The following ADGRL2 variants were observed in gnomAD, a reference collection of about 807,000 sequenced individuals.
The protein encoded by ADGRL2 is adhesion G protein-coupled receptor L2, also known as calcium-independent alpha-latrotoxin receptor 2.
A neutral mutation model predicts 157.4 loss-of-function variants in ADGRL2; 44 were observed. The observed-to-expected ratio is 0.28, with a 90% CI of 0.22 to 0.36. The LOEUF is 0.36. ADGRL2 is among the 10% of genes least tolerant of loss of function. The probability of loss-of-function intolerance (pLI) is 1.00; values close to 1 mark genes in which losing one functional copy is unlikely to be tolerated. For synonymous variants in ADGRL2, 585 were observed against 624.7 expected (o/e 0.94, Z 0.95); for missense variants, 1,510 against 1,768.9 (o/e 0.85, Z 2.63).
At position 81,866,105 on chromosome 1, in the gene ADGRL2, G is replaced by A. The variant is rs11163392; in HGVS notation, c.73+29048G>A. ...TTTACACTGTTAAGCCTTGATGCTC[G>A]TAGCAGAATAGGAAAGAAATAACAT... On this transcript the variant is annotated intron_variant, in intron 2 of 23. Transcript: ENST00000686636. Among the ~76,000 whole-genome samples the A allele has an allele frequency of 4.9e-3, 752 of 152,244 alleles. 6 individuals are homozygous for A. The highest frequency in any genetic ancestry group is 0.015 in the African/African-American group (638 of 41,534).
chr1:81,682,677 C>T (rs754474055), intron 3 of ADGRL2, among the ~76,000 whole-genome samples: 28 of 152,100 alleles, frequency 1.8e-4, no homozygotes, highest in Non-Finnish European at 3.2e-4. Flanking sequence ...TGTGTGATAA[C>T]GCTATATAGG....
At position 81,955,878 on chromosome 1, in the gene ADGRL2, C is replaced by G. The variant is rs1653353679; in HGVS notation, c.1835C>G (p.Ala612Gly). 5.1e-6 allele frequency: 8 copies of G among 1,567,360 alleles called. No individual in the cohort carries two copies. The East Asian group carries it at 1.9e-4, about 37-fold the overall frequency. ...ATGATAGTTTTCTAATGGATACAGG[C>G]AATTGTTGACACAGTGGACAACCTT... ...REKTCRAYLK[A>G]IVDTVDNLLR... is the part of the protein sequence containing the mutation. The change falls in exon 11 of 24, where the codon GCA (alanine) becomes GGA (glycine). Residue 612 changes from alanine (A) to glycine (G), a missense_variant and splice_region_variant. Ala to Gly is a moderately conservative substitution (Grantham distance 60). Transcript: ENST00000686636.
At chr1:81,895,106 A>G (rs1446389408) in intron 2 of ADGRL2, among the ~76,000 whole-genome samples, 1 of 152,158 alleles carries the variant, frequency 6.6e-6, no homozygotes, top group Non-Finnish European at 1.5e-5. Flanking sequence ...TTGAGTCAGC[A>G]GTGGTTGCGT....
intron 1 of ADGRL2, among the ~76,000 whole-genome samples, chr1:81,825,511 AT>A (rs2091393559): frequency 6.6e-6 from 1 of 151,740 alleles, no homozygotes. Flanking sequence ...ACCATGCCTA[AT>A]TTTTTGTATT....
In ADGRL2 at chr1:81,813,980, T is replaced by G. The variant is rs201884479; in HGVS notation, c.-101+12912T>G. Among the ~76,000 whole-genome samples the G allele has an allele frequency of 3.3e-5, 5 of 151,810 alleles. No homozygotes were observed. The East Asian group carries it at 9.6e-4, about 29-fold the overall frequency. Reference sequence around the variant, plus strand: ...ACCTGTTTTGTCTTAAATTTGAAGGTAGACTACTGAGCGATTTTTAAAATA... The same window carrying G: ...ACCTGTTTTGTCTTAAATTTGAAGGGAGACTACTGAGCGATTTTTAAAATA... On this transcript the variant is annotated intron_variant, in intron 1 of 23. Transcript: ENST00000686636.
rs1021063068 is a variant in ADGRL2, at chr1:81,734,840, A to G, written c.-142-26971A>G. 2.7e-5 allele frequency among the ~76,000 whole-genome samples: 4 copies of G among 147,354 alleles called. 1 individual carries two copies. Among genetic ancestry groups the G allele is most frequent in the Non-Finnish European group, 6.1e-5 (4 of 65,918 alleles). ...CCTGAGGTCGGGAGTTCAAGACCAG[A>G]CTAACCAACATGGAGAAACCCTGTC... On this transcript the variant is annotated intron_variant, in intron 1 of 20. Coordinates refer to the ADGRL2 transcript ENST00000359929.
rs112285347 is a variant in ADGRL2, at chr1:81,766,939, G to A, written c.-101+5087G>A. ...AAAACACATTATAATGCCCTTTCAA[G>A]CTTTCAGTGTACCCTTCTACGGTTC... On this transcript the variant is annotated intron_variant, in intron 2 of 20. Transcript: ENST00000359929. 3.2e-3 allele frequency among the ~76,000 whole-genome samples: 486 copies of A among 151,142 alleles called. 2 individuals carry two copies. Among genetic ancestry groups the A allele is most frequent in the African/African-American group, 0.011 (467 of 41,194 alleles).
chr1:81,805,809 CAG>C (rs2089048476), intron 1 of ADGRL2, among the ~76,000 whole-genome samples: 1 of 150,904 alleles, frequency 6.6e-6, no homozygotes, highest in Non-Finnish European at 1.5e-5. Flanking sequence ...GCTTTGAATG[CAG>C]AGTGTTATAA....
At chr1:81,530,379 C>A (rs1347183394) in intron 2 of ADGRL2, among the ~76,000 whole-genome samples, 1 of 152,056 alleles carries the variant, frequency 6.6e-6, no homozygotes, top group East Asian at 1.9e-4. Context: ...CAGGGTCTGG[C>A]TCTTTCACCC....
chr1:81,438,843 G>A (rs557351779), intron 1 of ADGRL2, among the ~76,000 whole-genome samples: 1 of 152,208 alleles, frequency 6.6e-6, no homozygotes, highest in African/African-American at 2.4e-5. Flanking sequence ...AAAATCCTTA[G>A]GGTGTTTTTT....
intron 1 of ADGRL2, among the ~76,000 whole-genome samples, chr1:81,405,485 A>G (rs1557664566): frequency 6.6e-6 from 1 of 152,034 alleles, no homozygotes; most frequent in Non-Finnish European, 1.5e-5. Context: ...TCCGGTCTCC[A>G]TGAATAATTT....
chr1:81,504,846 G>A (rs1173130852), intron 2 of ADGRL2, among the ~76,000 whole-genome samples: 8 of 152,186 alleles, frequency 5.3e-5, no homozygotes, highest in African/African-American at 1.9e-4. Flanking sequence ...CTTGCCAGAG[G>A]TTGAGCCGCC....
chr1:81,898,024 T>A (rs891427245), intron 2 of ADGRL2, among the ~76,000 whole-genome samples: 1 of 152,302 alleles, frequency 6.6e-6, no homozygotes, highest in East Asian at 1.9e-4. Context: ...CGAGCCCATA[T>A]GCTTGAGCCT....
At chr1:81,931,280 A>G (rs935213026) in intron 3 of ADGRL2, among the ~76,000 whole-genome samples, 4 of 152,220 alleles carry the variant, frequency 2.6e-5, no homozygotes, top group African/African-American at 9.6e-5. Flanking sequence ...TACGAATTTT[A>G]ATGTCAGAAA....
chr1:81,397,313 CTTTTTTTTTTTTTTT>C (rs59449077), intron 1 of ADGRL2, among the ~76,000 whole-genome samples: 1 of 53,616 alleles, frequency 1.9e-5, no homozygotes, highest in Admixed American at 2.7e-4. Context: ...ATAATGTCTC[CTTTTTTTTTTTTTTT>C]TTTTTTTTTT....
chr1:81,365,139 C>T (rs2076043479), intron 1 of ADGRL2, among the ~76,000 whole-genome samples: 1 of 152,128 alleles, frequency 6.6e-6, no homozygotes. Flanking sequence ...CCTGTCAGGA[C>T]ATTCCATCAA....
chr1:81,873,117 C>T (rs2093741450), intron 2 of ADGRL2, among the ~76,000 whole-genome samples: 1 of 152,184 alleles, frequency 6.6e-6, no homozygotes, highest in African/African-American at 2.4e-5. Context: ...AAGCCACCTA[C>T]CTATTTCCAA....
chr1:81,402,275 G>A (rs1219231659), intron 1 of ADGRL2, among the ~76,000 whole-genome samples: 1 of 152,138 alleles, frequency 6.6e-6, no homozygotes, highest in Non-Finnish European at 1.5e-5. Flanking sequence ...GAGGTCAGGA[G>A]GGAATATGCC....
intron 2 of ADGRL2, among the ~76,000 whole-genome samples, chr1:81,858,740 G>A (rs2093290336): frequency 6.6e-6 from 1 of 151,678 alleles, no homozygotes; most frequent in African/African-American, 2.4e-5. Context: ...TAAAGGTCCT[G>A]AAAAAAAATC....
Sources: gnomAD v4.1 joint callset for allele counts (sites outside exome capture counted in the v4.1 genomes callset) on GRCh38, gnomAD v4.1.1 for gene constraint, MANE v1.5 for transcripts, NCBI Gene and HGNC (gene_info 2026-07-23, HGNC 2026-07-21) for gene names.